Variants in TTN observed in about 807,000 individuals in gnomAD.
The protein encoded by TTN is connectin.
A neutral mutation model predicts 3,223.0 loss-of-function variants in TTN; 1,525 were observed. The ratio of observed to expected loss-of-function variants is 0.47; its 90% CI spans 0.45 to 0.49. The LOEUF (loss-of-function observed/expected upper bound fraction) is 0.49, where lower values mean the gene tolerates loss of function less well. TTN is among the 20% of genes least tolerant of loss of function. The probability of loss-of-function intolerance (pLI) is 0.00; values close to 1 mark genes in which losing one functional copy is unlikely to be tolerated. For missense variants in TTN, 40,786 were observed against 43,424.0 expected (o/e 0.94, Z 5.40); for synonymous variants, 14,094 against 15,161.0 (o/e 0.93, Z 5.17).
chr2:178,722,551 A>G lies in TTN; in HGVS notation c.22241-5T>C, dbSNP rs397517501. On this transcript the variant is annotated splice_polypyrimidine_tract_variant and splice_region_variant and intron_variant, in intron 76 of 362. Coordinates refer to ENST00000589042, the MANE Select transcript of TTN (RefSeq NM_001267550.2). ...AAGAAGGTGGGAGTTGGCGCTCTGT[A>G]GGGAGACATGTAATACTTAAGGTGT... 103 of 1,609,132 alleles carry G rather than the reference A, an allele frequency of 6.4e-5. No individual in the cohort carries two copies. Among genetic ancestry groups the G allele is most frequent in the Middle Eastern group, 3.3e-4 (2 of 6,038 alleles).
chr2:178,755,759 C>G (rs560203355), intron 46 of TTN, among the ~76,000 whole-genome samples: 5 of 152,220 alleles, frequency 3.3e-5, no homozygotes, highest in Admixed American at 3.3e-4. Flanking sequence ...TTTCTATTTT[C>G]ATGGCCCCTT....
At position 178,730,761 on chromosome 2, in the gene TTN, C is replaced by A. The variant is rs1336731959; in HGVS notation, c.17772G>T (p.Lys5924Asn). ...CTTTAATGCTGTCCATTTTCTTCAG[C>A]TTTTTGGTGAATGAAGGAGGTATGA... ...DLIIPPSFTK[K>N]LKKMDSIKGS... Residue 5924 changes from lysine to asparagine, a missense_variant, in exon 61 of 363, where the codon AAG becomes AAT. By Grantham distance (94) the Lys-to-Asn change is moderately conservative. Transcript: ENST00000589042. 6.2e-7 allele frequency: 1 copy of A among 1,605,564 alleles called. No individual in the cohort carries two copies. Among genetic ancestry groups the A allele is most frequent in the Non-Finnish European group, 8.5e-7 (1 of 1,174,180 alleles).
chr2:178,617,436 A>T lies in TTN; in HGVS notation c.47649T>A (p.Pro15883=), dbSNP rs762471690. 14 of 1,596,622 alleles carry T rather than the reference A, an allele frequency of 8.8e-6. No homozygotes were observed. The highest frequency in any genetic ancestry group is 1.2e-5 in the Non-Finnish European group (14 of 1,174,630). The change falls in exon 254 of 363, where the codon CCT becomes CCA. Residue 15883 remains proline, a synonymous_variant. Coordinates refer to ENST00000589042, the MANE Select transcript of TTN (RefSeq NM_001267550.2). ...QSSVQLKWEP[P]LKDGGSPILG... is the part of the protein sequence containing the mutation. ...ATATTGGGCTTCCTCCATCTTTCAG[A>T]GGAGGTTCCCATTTGAGCTGAACTG...
rs1021201663 is a variant in TTN at position 178,569,525 on chromosome 2, C to A, written c.76607G>T (p.Gly25536Val). 6.2e-7 allele frequency: 1 copy of A among 1,612,634 alleles called. No individual in the cohort carries two copies. ...GSLRLFVPIKGRPTPEVKWGK... is the reference protein window; with the variant it reads ...GSLRLFVPIKVRPTPEVKWGK... ...CCATTTAACTTCTGGTGTAGGACGA[C>A]CTTTTATAGGAACAAATAACCTTAA... The change falls in exon 326 of 363, where the codon GGT becomes GTT. Residue 25536 changes from glycine to valine, a missense_variant. Physicochemically the swap from Gly to Val is moderately radical, Grantham distance 109 (BLOSUM62 -3). Transcript: ENST00000589042.
At chr2:178,750,885 G>A (rs2085300985) in intron 47 of TTN, 2 of 1,612,852 alleles carry the variant, frequency 1.2e-6, no homozygotes, top group Non-Finnish European at 1.7e-6. Flanking sequence ...ATTTCTTCCA[G>A]CTGTCCTCTT....
intron 47 of TTN, chr2:178,747,980 G>T (rs2084162537): frequency 6.2e-7 from 1 of 1,612,886 alleles, no homozygotes; most frequent in South Asian, 1.1e-5. Context: ...TTCCAAAGTG[G>T]CATCTGTATA....
chr2:178,559,771 C>T lies in TTN; in HGVS notation c.86361G>A (p.Leu28787=), dbSNP rs2154158142. ...GGAGGTCAGTGTCTGGCTTACTCCA[C>T]AAGACATTGGGTACTGGTCTTCCTC... is the stretch of plus-strand genomic sequence containing the variant. ...PFRGRPVPNV[L]WSKPDTDLRT... Residue 28787 remains leucine, a synonymous_variant, in exon 326 of 363, where the codon TTG becomes TTA. Coordinates refer to ENST00000589042, the MANE Select transcript of TTN (RefSeq NM_001267550.2). The T allele has an allele frequency of 6.2e-7, 1 of 1,602,888 alleles. No individual in the cohort carries two copies. The highest frequency in any genetic ancestry group is 1.1e-5 in the South Asian group (1 of 89,274).
chr2:178,615,577 C>A, intron 258 of TTN, 64 bp downstream of exon 258: 1 of 1,610,270 alleles, frequency 6.2e-7, no homozygotes, highest in Non-Finnish European at 8.5e-7. Context: ...ATAACTTCAA[C>A]TCTAGGTCTA....
chr2:178,748,213 A>T, intron 47 of TTN: 2 of 1,613,118 alleles, frequency 1.2e-6, no homozygotes, highest in Non-Finnish European at 1.7e-6. Flanking sequence ...ATGATTCACT[A>T]TAGATTTCTT....
chr2:178,639,734 G>A lies in TTN; in HGVS notation c.40841C>T (p.Ala13614Val), dbSNP rs765191880. The A allele has an allele frequency of 2.5e-6, 4 of 1,611,240 alleles. No individual in the cohort carries two copies. Among genetic ancestry groups the A allele is most frequent in the South Asian group, 2.2e-5 (2 of 90,802 alleles). The part of the protein sequence containing the change: ...PVEPEPTPIA[A>V]PVTVPVVGKK... ...TCCAACCACTGGCACTGTTACTGGGGCAGCGATGGGGGTTGGTTCAGGTTC... is the reference window on the plus strand; with the variant it reads ...TCCAACCACTGGCACTGTTACTGGGACAGCGATGGGGGTTGGTTCAGGTTC... Residue 13614 changes from alanine to valine, a missense_variant, in exon 223 of 363, where the codon GCC (alanine) becomes GTC (valine). Transcript: ENST00000589042.
rs752946109 is a variant in TTN at position 178,573,385 on chromosome 2, A to G, written c.72747T>C (p.Asp24249=). The change falls in exon 326 of 363, where the codon GAT becomes GAC. Residue 24249 remains aspartate (D), a synonymous_variant. Coordinates refer to ENST00000589042, the MANE Select transcript of TTN (RefSeq NM_001267550.2). ...MVVCWGHPDS[D]GGSEIINYIV... Reference sequence around the variant, plus strand: ...TATAATTGATGATTTCACTTCCACCATCAGAATCAGGATGTCCCCAGCAGA... The same window carrying G: ...TATAATTGATGATTTCACTTCCACCGTCAGAATCAGGATGTCCCCAGCAGA... The G allele has an allele frequency of 6.6e-7, 1 of 1,524,512 alleles. No homozygotes were observed. The highest frequency in any genetic ancestry group is 1.3e-5 in the South Asian group (1 of 74,972). The allele number at this position is 1,524,512 out of a possible 1,614,324, so 94.4% of individuals were successfully genotyped here.
chr2:178,795,931 C>A (rs2093746371), intron 6 of TTN, among the ~76,000 whole-genome samples: 1 of 152,126 alleles, frequency 6.6e-6, no homozygotes, highest in South Asian at 2.1e-4. Flanking sequence ...TTTACACTCG[C>A]CCCCCTTGTA....
At position 178,588,891 on chromosome 2, in the gene TTN, C is replaced by T. The variant is rs2049635543; in HGVS notation, c.62834G>A (p.Gly20945Asp). The T allele has an allele frequency of 1.2e-6, 2 of 1,613,034 alleles. No individual in the cohort carries two copies. The highest frequency in any genetic ancestry group is 4.5e-5 in the East Asian group (2 of 44,654). Residue 20945 changes from glycine to aspartate, a missense_variant, in exon 304 of 363, where the codon GGC becomes GAC. Gly to Asp is a moderately conservative substitution (Grantham distance 94, BLOSUM62 -1). Transcript: ENST00000589042. ...IFRVRAENKI[G>D]TGPPTESKPV... ...TTTACTTTCTGTTGGAGGCCCTGTG[C>T]CTATTTTATTTTCTGCACGGACTCT...
In TTN at chr2:178,608,483, A is replaced by G; in HGVS notation, c.52406-6T>C. 6.4e-7 allele frequency: 1 copy of G among 1,572,310 alleles called. No homozygotes were observed. The highest frequency in any genetic ancestry group is 8.6e-7 in the Non-Finnish European group (1 of 1,162,464). ...ATCTGGTGCATCAGGTGGTCCTGAT[A>G]AAAAAATAACATTTGAAGTAAATTT... On this transcript the variant is annotated splice_polypyrimidine_tract_variant and splice_region_variant and intron_variant, in intron 274 of 362. Transcript: ENST00000589042.
chr2:178,573,275 CCAGA>C lies in TTN; in HGVS notation c.72853_72856del (p.Ser24285AspfsTer2). ...CTCATATTCATGTCCTTCTGTCAGT[CCAGA>C]CACTTTATATCTTAAATCAGTAAGA... is the stretch of plus-strand genomic sequence containing the variant. On this transcript the variant is annotated frameshift_variant, in exon 326 of 363. Transcript: ENST00000589042. LOFTEE classifies it high-confidence loss of function. 1 of 1,601,380 alleles carries C rather than the reference CCAGA, an allele frequency of 6.2e-7. No individual in the cohort carries two copies. The highest frequency in any genetic ancestry group is 1.1e-5 in the South Asian group (1 of 88,782).
At chr2:178,763,290 A>G (rs1408014115) in intron 43 of TTN, among the ~76,000 whole-genome samples, 3 of 152,206 alleles carry the variant, frequency 2.0e-5, no homozygotes, top group Non-Finnish European at 4.4e-5. Context: ...GCATGCCCCA[A>G]TTAAAAATGG....
At chr2:178,544,971 AT>A (rs1221186537) in intron 344 of TTN, among the ~76,000 whole-genome samples, 1 of 152,150 alleles carries the variant, frequency 6.6e-6, no homozygotes, top group Non-Finnish European at 1.5e-5. Flanking sequence ...TTTGCCACTT[AT>A]TTTTGAAGCT....
At chr2:178,768,601 T>C (rs1030611380) in intron 38 of TTN, 72 bp downstream of exon 38, 5 of 1,601,058 alleles carry the variant, frequency 3.1e-6, no homozygotes, top group Non-Finnish European at 4.3e-6. Flanking sequence ...ATCCATTCAT[T>C]AATTGATACA....
At chr2:178,666,980 G>T in intron 162 of TTN, 79 bp from the exon 163 acceptor site, 2 of 1,030,292 alleles carry the variant, frequency 1.9e-6, no homozygotes, top group South Asian at 1.7e-5. Context: ...AGTTAGATAT[G>T]TTAATATCAT....
Sources: allele counts gnomAD v4.1 joint callset (sites outside exome capture counted in the v4.1 genomes callset), GRCh38; gene constraint gnomAD v4.1.1; transcripts MANE v1.5; gene names NCBI Gene and HGNC (gene_info 2026-07-23, HGNC 2026-07-21).